SH3GL3: variants seen among roughly 807,000 people sequenced by gnomAD.
SH3GL3 encodes the protein SH3 domain containing GRB2 like 3, endophilin A3.
A neutral mutation model predicts 47.7 loss-of-function variants in SH3GL3; 33 were observed. The ratio of observed to expected loss-of-function variants is 0.69; its 90% CI spans 0.52 to 0.92. The LOEUF (loss-of-function observed/expected upper bound fraction) is 0.92, where lower values mean the gene tolerates loss of function less well. Among genes scored for constraint, SH3GL3 ranks in the 40% least tolerant of loss-of-function variants. The pLI, the probability that SH3GL3 is intolerant of heterozygous loss-of-function variation, is 0.00. For synonymous variants in SH3GL3, 155 were observed against 148.8 expected, an observed-to-expected ratio of 1.04 and a Z score of -0.30; for missense variants, 363 against 417.8, an observed-to-expected ratio of 0.87 and a Z score of 1.14.
At chr15:83,596,295 G>T (rs535009969) in intron 8 of SH3GL3, among the ~76,000 whole-genome samples, 1 of 152,128 alleles carries the variant, frequency 6.6e-6, no homozygotes, top group Non-Finnish European at 1.5e-5. Context: ...GCCAGAATAT[G>T]ATCCATCTTG....
intron 1 of SH3GL3, among the ~76,000 whole-genome samples, chr15:83,496,721 A>G (rs929815971): frequency 1.3e-5 from 2 of 152,192 alleles, no homozygotes; most frequent in African/African-American, 4.8e-5. Flanking sequence ...GTGCTGTAGT[A>G]GCTGGCATCA....
At chr15:83,616,155 G>A (rs1308210763) in intron 8 of SH3GL3, among the ~76,000 whole-genome samples, 1 of 151,926 alleles carries the variant, frequency 6.6e-6, no homozygotes, top group Non-Finnish European at 1.5e-5. Context: ...TAGTATAAAG[G>A]GACTTCTAAA....
chr15:83,556,670 G>A (rs2044975113), intron 1 of SH3GL3, among the ~76,000 whole-genome samples: 2 of 152,134 alleles, frequency 1.3e-5, no homozygotes, highest in African/African-American at 4.8e-5. Flanking sequence ...GGAAATGCAG[G>A]CCACTGTATC....
intron 1 of SH3GL3, among the ~76,000 whole-genome samples, chr15:83,517,600 A>G (rs755274681): frequency 2.6e-5 from 4 of 152,018 alleles, no homozygotes; most frequent in African/African-American, 4.8e-5. Context: ...CTTGTTGTGA[A>G]AGGTCTGCCC....
intron 4 of SH3GL3, among the ~76,000 whole-genome samples, chr15:83,571,174 C>T (rs529019678): frequency 9.2e-5 from 14 of 152,336 alleles, no homozygotes; most frequent in African/African-American, 2.9e-4. Flanking sequence ...CCGTGGAATT[C>T]GACAGCGCCA....
intron 1 of SH3GL3, among the ~76,000 whole-genome samples, chr15:83,557,578 T>A (rs564355431): frequency 6.6e-6 from 1 of 152,340 alleles, no homozygotes; most frequent in South Asian, 2.1e-4. Context: ...AGCTGGGGTC[T>A]CTCACGTTAC....
At chr15:83,613,625 ATCT>A (rs551381985) in intron 8 of SH3GL3, among the ~76,000 whole-genome samples, 422 of 12,668 alleles carry the variant, frequency 0.033, 2 homozygotes, top group African/African-American at 0.11. Flanking sequence ...ATATAAATCT[ATCT>A]ATCTATCTAT....
chr15:83,489,828 G>C (rs1180890997), intron 1 of SH3GL3, among the ~76,000 whole-genome samples: 1 of 150,194 alleles, frequency 6.7e-6, no homozygotes, highest in Non-Finnish European at 1.5e-5. Flanking sequence ...AGTAGGAATT[G>C]TCAGAAGCCG....
intron 1 of SH3GL3, among the ~76,000 whole-genome samples, chr15:83,503,002 G>A (rs1483767948): frequency 1.3e-5 from 2 of 152,062 alleles, no homozygotes; most frequent in African/African-American, 4.8e-5. Flanking sequence ...TTGAGTGTTT[G>A]TAGTGGCTTT....
chr15:83,508,998 A>G (rs1245023114), intron 1 of SH3GL3, among the ~76,000 whole-genome samples: 1 of 152,224 alleles, frequency 6.6e-6, no homozygotes, highest in Non-Finnish European at 1.5e-5. Flanking sequence ...CTCCTCACCT[A>G]GGATCTTACT....
At chr15:83,547,085 A>C (rs1351030079) in intron 1 of SH3GL3, among the ~76,000 whole-genome samples, 1 of 152,176 alleles carries the variant, frequency 6.6e-6, no homozygotes, top group Non-Finnish European at 1.5e-5. Context: ...CATGCACCCC[A>C]GTTCCACTGG....
intron 1 of SH3GL3, among the ~76,000 whole-genome samples, chr15:83,556,971 A>T (rs2044993500): frequency 6.6e-6 from 1 of 152,252 alleles, no homozygotes; most frequent in Non-Finnish European, 1.5e-5. Flanking sequence ...AGGTGGAAGC[A>T]GTCACAGCGG....
chr15:83,549,996 C>T (rs2151720633), intron 1 of SH3GL3, among the ~76,000 whole-genome samples: 1 of 152,322 alleles, frequency 6.6e-6, no homozygotes, highest in African/African-American at 2.4e-5. Flanking sequence ...CCGATGACCT[C>T]AAGATCTCTT....
chr15:83,624,077 C>T, the SH3GL3 span, among the ~76,000 whole-genome samples: 26 of 152,262 alleles, frequency 1.7e-4, no homozygotes, highest in Non-Finnish European at 2.2e-4. Flanking sequence ...CAAATAGGCT[C>T]CTGACAGGCA....
At chr15:83,523,274 A>G (rs555631221) in intron 1 of SH3GL3, among the ~76,000 whole-genome samples, 1 of 152,256 alleles carries the variant, frequency 6.6e-6, no homozygotes, top group Admixed American at 6.5e-5. Context: ...TTAGCCCTTT[A>G]ACCTTGAGCT....
intron 1 of SH3GL3, among the ~76,000 whole-genome samples, chr15:83,510,611 A>C (rs1240016436): frequency 6.6e-6 from 1 of 152,196 alleles, no homozygotes; most frequent in Non-Finnish European, 1.5e-5. Flanking sequence ...AAAATTAAAA[A>C]TACAATGTAA....
intron 2 of SH3GL3, among the ~76,000 whole-genome samples, chr15:83,563,425 T>G (rs1198809951): frequency 1.3e-5 from 2 of 152,222 alleles, no homozygotes; most frequent in African/African-American, 4.8e-5. Flanking sequence ...TTTATTAATA[T>G]GCCCATTAAT....
chr15:83,609,526 G>A (rs903692529), intron 8 of SH3GL3: 3 of 329,258 alleles, frequency 9.1e-6, no homozygotes, highest in South Asian at 4.8e-5. Context: ...TGTTGACAGC[G>A]TTGTATGAAT....
Position 83,476,999 on chromosome 15 carries a change from T to C in SH3GL3, c.45+29421T>C, listed in dbSNP as rs558596345. The stretch of plus-strand genomic sequence containing the variant: ...TGGTGACCTGGGGAGGGCCTCACTC[T>C]GGAATACATTCTTACTTTGTAGTTC... On this transcript the variant is annotated intron_variant, in intron 1 of 8. Transcript: ENST00000427482. 2.0e-5 allele frequency among the ~76,000 whole-genome samples: 3 copies of C among 152,340 alleles called. No homozygotes were observed. In the East Asian group the frequency reaches 5.8e-4, roughly 29 times the overall value.
Sources: gnomAD v4.1 joint callset for allele counts (sites outside exome capture counted in the v4.1 genomes callset) on GRCh38, gnomAD v4.1.1 for gene constraint, MANE v1.5 for transcripts, NCBI Gene and HGNC (gene_info 2026-07-23, HGNC 2026-07-21) for gene names.